Variants in ADNP observed in about 807,000 individuals in gnomAD.
The protein encoded by ADNP is activity dependent neuroprotector homeobox, also known as activity-dependent neuroprotector homeobox protein.
Under a neutral mutation model 84.9 loss-of-function variants are expected in ADNP, and 4 were observed. That is an observed-to-expected ratio of 0.05 (90% CI 0.02 to 0.11). The LOEUF (loss-of-function observed/expected upper bound fraction) is 0.11. Among genes scored for constraint, ADNP ranks in the 10% least tolerant of loss-of-function variants. The probability of loss-of-function intolerance (pLI) is 1.00; values close to 1 mark genes in which losing one functional copy is unlikely to be tolerated. For missense variants in ADNP, 1,132 were observed against 1,326.0 expected (o/e 0.85, Z 2.27); for synonymous variants, 554 against 468.1 (o/e 1.18, Z -2.37).
intron 2 of ADNP, chr20:50,909,378 A>G (rs1197764114): frequency 4.7e-5 from 7 of 149,948 alleles, no homozygotes; most frequent in Non-Finnish European, 1.0e-4. Flanking sequence ...AAAAAAAAAA[A>G]AAAAAAAAAA....
chr20:50,908,379 T>C (rs767592761), intron 2 of ADNP, among the ~76,000 whole-genome samples: 1 of 152,148 alleles, frequency 6.6e-6, no homozygotes, highest in Admixed American at 6.5e-5. Context: ...TCAATCATTA[T>C]GGGTGATAAG....
At chr20:50,899,364 C>G (rs1371190987) in intron 5 of ADNP, among the ~76,000 whole-genome samples, 1 of 152,020 alleles carries the variant, frequency 6.6e-6, no homozygotes, top group African/African-American at 2.4e-5. Flanking sequence ...GCATCTGCCA[C>G]CACACCTGGC....
chr20:50,916,770 T>C (rs1335423563), intron 2 of ADNP, among the ~76,000 whole-genome samples: 1 of 152,190 alleles, frequency 6.6e-6, no homozygotes, highest in African/African-American at 2.4e-5. Flanking sequence ...AGGAAAAAGA[T>C]AGTTTGGATG....
rs1981031950 is a variant in ADNP, at chr20:50,893,505, T to G, written c.1209A>C (p.Ser403=). 2 of 1,613,900 alleles carry G rather than the reference T, an allele frequency of 1.2e-6. No individual in the cohort carries two copies. The highest frequency in any genetic ancestry group is 1.7e-6 in the Non-Finnish European group (2 of 1,180,040). ...GGGAAGGAGACTTTAACTGGCCCGA[T>G]GAGAGAGAAGAGGCATTAGCAGACT... ...SLQSANASSL[S]SGQLKSPSLS... The change falls in exon 6 of 6, where the codon TCA becomes TCC. Residue 403 remains serine, a synonymous_variant. Coordinates refer to ENST00000621696, the MANE Select transcript of ADNP (RefSeq NM_001282531.3). This position sits in a 1 kb window ranked among gnomAD's most constrained non-coding sequence, Gnocchi z 4.4.
chr20:50,903,751 T>C (rs917199755), intron 4 of ADNP, 138 bp downstream of exon 4: 3 of 653,288 alleles, frequency 4.6e-6, no homozygotes, highest in African/African-American at 1.8e-5. Flanking sequence ...GTTAATGCTA[T>C]TGAGAATGTT....
chr20:50,891,763 A>T lies in ADNP; in HGVS notation c.2951T>A (p.Phe984Tyr), dbSNP rs748142440. Reference protein sequence around the residue: ...SGPGSQQVSDFEDNTCEMKPG... With the variant: ...SGPGSQQVSDYEDNTCEMKPG... ...TTTCATTTCGCAGGTATTGTCCTCA[A>T]AGTCTGACACTTGTTGGGATCCAGG... Residue 984 changes from phenylalanine to tyrosine, a missense_variant, in exon 6 of 6, where the codon TTT (phenylalanine) becomes TAT (tyrosine). This residue lies in a region of ADNP where 381 missense variants were observed against 319.9 expected (regional missense o/e 1.19). Transcript: ENST00000621696. The T allele has an allele frequency of 6.2e-7, 1 of 1,614,094 alleles. No individual in the cohort carries two copies. Among genetic ancestry groups the T allele is most frequent in the Non-Finnish European group, 8.5e-7 (1 of 1,180,004 alleles).
intron 2 of ADNP, among the ~76,000 whole-genome samples, chr20:50,920,287 AAG>A (rs1983866514): frequency 6.7e-6 from 1 of 148,614 alleles, no homozygotes; most frequent in East Asian, 1.9e-4. Context: ...AAAAAAAAGA[AAG>A]AAAGAAAGAA....
intron 2 of ADNP, among the ~76,000 whole-genome samples, chr20:50,925,261 T>TAC (rs1292426786): frequency 9.7e-5 from 8 of 82,642 alleles, no homozygotes; most frequent in African/African-American, 1.8e-4. Flanking sequence ...TGTGACTTCC[T>TAC]ATACACACAC....
At chr20:50,898,833 A>G (rs1428536621) in intron 5 of ADNP, among the ~76,000 whole-genome samples, 3 of 152,244 alleles carry the variant, frequency 2.0e-5, no homozygotes, top group Non-Finnish European at 4.4e-5. Context: ...AAGTAGGAGT[A>G]CACTCTAAAA....
In ADNP at chr20:50,892,403, G is replaced by A. The variant is rs764086755; in HGVS notation, c.2311C>T (p.Leu771=). ...DDSYEARKSF[L]TKYFNKQPYP... ...GGCTGTTTGTTGAAATACTTTGTTA[G>A]AAAGCTTTTCCTGGCTTCATAGGAA... Residue 771 remains leucine, a synonymous_variant, in exon 6 of 6, where the codon CTA becomes TTA. Coordinates refer to ENST00000621696, the MANE Select transcript of ADNP (RefSeq NM_001282531.3). The A allele has an allele frequency of 1.2e-6, 2 of 1,614,166 alleles. No homozygotes were observed. Among genetic ancestry groups the A allele is most frequent in the South Asian group, 1.1e-5 (1 of 91,084 alleles).
intron 5 of ADNP, among the ~76,000 whole-genome samples, chr20:50,898,135 T>C (rs1022385350): frequency 6.6e-6 from 1 of 152,164 alleles, no homozygotes; most frequent in African/African-American, 2.4e-5. Context: ...AATAGAAAGG[T>C]TTCATCCATA....
At chr20:50,903,797 C>A in intron 4 of ADNP, 92 bp downstream of exon 4, 1 of 885,158 alleles carries the variant, frequency 1.1e-6, no homozygotes, top group Non-Finnish European at 1.8e-6. Context: ...AATTCAGAAT[C>A]ACATCTAAGA....
Position 50,893,096 on chromosome 20 carries a change from T to A in ADNP, c.1618A>T (p.Met540Leu). The change falls in exon 6 of 6, where the codon ATG becomes TTG. Residue 540 changes from methionine to leucine, a missense_variant. Physicochemically the swap from Met to Leu is conservative, Grantham distance 15. Around this residue, in one of 10 missense-constraint regions of ADNP, gnomAD observed 87 missense variants for 181.4 expected, o/e 0.48. Coordinates refer to ENST00000621696, the MANE Select transcript of ADNP (RefSeq NM_001282531.3). The surrounding 1 kb of genome is among the most constrained non-coding windows in gnomAD (Gnocchi z 4.4). ...AAAGTAGAATCTGTTTTAGGTCCCA[T>A]CTCTTCATCAATGTGAACCATCCGC... ...HMRMVHIDEEMGPKTDSTLSF... is the reference protein window; with the variant it reads ...HMRMVHIDEELGPKTDSTLSF... 6.2e-7 allele frequency: 1 copy of A among 1,614,228 alleles called. No homozygotes were observed. The highest frequency in any genetic ancestry group is 8.5e-7 in the Non-Finnish European group (1 of 1,180,046).
Position 50,893,686 on chromosome 20 carries a change from A to G in ADNP, c.1028T>C (p.Val343Ala), listed in dbSNP as rs1202318133. The stretch of plus-strand genomic sequence containing the variant: ...TAGACCCAGTCTCATTGACTGACCA[A>G]CACTGTAACCCTGGCCTACAGATTT... Reference protein sequence around the residue: ...GVKSVGQGYSVGQSMRLGLGG... With the variant: ...GVKSVGQGYSAGQSMRLGLGG... The change falls in exon 6 of 6, where the codon GTT becomes GCT. Residue 343 changes from valine (V) to alanine (A), a missense_variant. Around this residue, in one of 10 missense-constraint regions of ADNP, gnomAD observed 239 missense variants for 213.2 expected, o/e 1.12. Coordinates refer to ENST00000621696, the MANE Select transcript of ADNP (RefSeq NM_001282531.3). The surrounding 1 kb of genome is among the most constrained non-coding windows in gnomAD (Gnocchi z 4.4). 3 of 1,613,988 alleles carry G rather than the reference A, an allele frequency of 1.9e-6. No homozygotes were observed. The highest frequency in any genetic ancestry group is 2.7e-5 in the African/African-American group (2 of 74,906).
chr20:50,902,516 A>T lies in ADNP; in HGVS notation c.109-407T>A, dbSNP rs183725997. ...ATTTCTGGTTCTGTGCAAAAAAAAG[A>T]TTTTTTTCGAGGGGAGGGGGCAGGA... On this transcript the variant is annotated intron_variant, in intron 4 of 5. Coordinates refer to ENST00000621696, the MANE Select transcript of ADNP (RefSeq NM_001282531.3). Among the ~76,000 whole-genome samples the T allele has an allele frequency of 4.1e-4, 63 of 151,854 alleles. 1 individual carries two copies. In the East Asian group the frequency reaches 0.012, roughly 28 times the overall value.
chr20:50,918,166 C>A (rs906059654), intron 2 of ADNP, among the ~76,000 whole-genome samples: 2 of 151,256 alleles, frequency 1.3e-5, no homozygotes, highest in Non-Finnish European at 3.0e-5. Flanking sequence ...TAAACACATT[C>A]TTTTTTTTTA....
At chr20:50,919,379 A>G (rs879405213) in intron 2 of ADNP, among the ~76,000 whole-genome samples, 32 of 150,948 alleles carry the variant, frequency 2.1e-4, no homozygotes, top group African/African-American at 7.1e-4. Flanking sequence ...CTGAGGTGGG[A>G]GAATGGCTTG....
chr20:50,897,129 C>T (rs980872914), intron 5 of ADNP, among the ~76,000 whole-genome samples: 2 of 151,976 alleles, frequency 1.3e-5, no homozygotes, highest in Admixed American at 6.6e-5. Context: ...TTAGTAGAGA[C>T]GGGGTTTCAC....
At chr20:50,904,031 C>A in intron 3 of ADNP, 30 bp from the exon 4 acceptor site, 1 of 1,496,046 alleles carries the variant, frequency 6.7e-7, no homozygotes, top group South Asian at 1.1e-5. Context: ...AAGTCAAAGT[C>A]AAAACACGTA....
Sources: allele counts gnomAD v4.1 joint callset (sites outside exome capture counted in the v4.1 genomes callset), GRCh38; gene constraint gnomAD v4.1.1; regional missense constraint gnomAD v4.1.1; non-coding constraint Gnocchi (gnomAD v3.1); transcripts MANE v1.5; gene names NCBI Gene and HGNC (gene_info 2026-07-23, HGNC 2026-07-21).